The following AMD1 variants were observed in gnomAD, a reference collection of about 807,000 sequenced individuals.
AMD1 encodes the protein S-adenosylmethionine decarboxylase proenzyme.
Under a neutral mutation model 40.2 loss-of-function variants are expected in AMD1, and 11 were observed. The ratio of observed to expected loss-of-function variants is 0.27; its 90% CI spans 0.17 to 0.45. AMD1 has a LOEUF of 0.45. AMD1 is among the 20% of genes least tolerant of loss of function. The pLI is 1.00. For synonymous variants in AMD1, 121 were observed against 130.8 expected, an observed-to-expected ratio of 0.93 and a Z score of 0.51; for missense variants, 257 against 410.2, an observed-to-expected ratio of 0.63 and a Z score of 3.23.
intron 2 of AMD1, among the ~76,000 whole-genome samples, chr6:110,888,125 G>A (rs1463393979): frequency 6.6e-6 from 1 of 152,140 alleles, no homozygotes; most frequent in Admixed American, 6.5e-5. Flanking sequence ...GGTAAAGAAG[G>A]ACCTCTTAAT....
chr6:110,887,481 C>A, intron 1 of AMD1, 24 bp from the exon 2 acceptor site: 1 of 1,559,866 alleles, frequency 6.4e-7, no homozygotes, highest in Non-Finnish European at 8.7e-7. Context: ...GTGGATTAAT[C>A]GTAACTTTTT....
chr6:110,865,549 A>G, the AMD1 span, among the ~76,000 whole-genome samples: 3 of 151,786 alleles, frequency 2.0e-5, no homozygotes, highest in African/African-American at 7.3e-5. Context: ...GTGTGCCACC[A>G]TGCCTGGCTA....
the AMD1 span, among the ~76,000 whole-genome samples, chr6:110,838,091 T>G: frequency 1.4e-5 from 2 of 147,230 alleles, no homozygotes; most frequent in African/African-American, 5.1e-5. Flanking sequence ...AATCCTCTGA[T>G]ACATGAAAGT....
intron 4 of AMD1, 92 bp from the exon 5 acceptor site, chr6:110,892,069 T>C (rs1786050544): frequency 1.3e-5 from 18 of 1,391,518 alleles, no homozygotes; most frequent in Non-Finnish European, 1.7e-5. Flanking sequence ...AAGTGGCAAA[T>C]AGTATCATTC....
At chr6:110,859,281 T>G in the AMD1 span, 1 of 365,848 alleles carries the variant, frequency 2.7e-6, no homozygotes, top group Admixed American at 3.9e-5. Context: ...CGGTGTGGGA[T>G]CAGGGAGGTC....
the AMD1 span, among the ~76,000 whole-genome samples, chr6:110,831,037 C>A: frequency 6.6e-6 from 1 of 151,946 alleles, no homozygotes; most frequent in Non-Finnish European, 1.5e-5. Context: ...ATTTTTAATT[C>A]GTTTTGCTCT....
chr6:110,846,973 A>G, the AMD1 span, among the ~76,000 whole-genome samples: 1 of 152,088 alleles, frequency 6.6e-6, no homozygotes, highest in Non-Finnish European at 1.5e-5. Flanking sequence ...CACCAAGCAA[A>G]TTATGTAGCT....
In AMD1 at chr6:110,881,581, C is replaced by T. The variant is rs369187222; in HGVS notation, c.111-5924C>T. ...CCCAAATCCCAGCACTTTGGGAGGC[C>T]GAGGCGGGTGGATTGCTTGAGGTCA... On this transcript the variant is annotated intron_variant, in intron 1 of 8. Coordinates refer to ENST00000368885, the MANE Select transcript of AMD1 (RefSeq NM_001634.6). Among the ~76,000 whole-genome samples, 251 of 152,014 alleles carry T rather than the reference C, an allele frequency of 1.7e-3. 1 individual carries two copies. The highest frequency in any genetic ancestry group is 5.8e-3 in the African/African-American group (242 of 41,464).
At chr6:110,822,493 A>G in the AMD1 span, among the ~76,000 whole-genome samples, 8 of 152,186 alleles carry the variant, frequency 5.3e-5, no homozygotes, top group Admixed American at 3.9e-4. Context: ...TCTTGGTACC[A>G]ATCCTACTGA....
intron 1 of AMD1, chr6:110,875,503 C>T (rs1785049022): frequency 9.8e-6 from 3 of 304,824 alleles, no homozygotes; most frequent in South Asian, 9.8e-5. Context: ...CGCTGGGCGG[C>T]GGGCGGCGCG....
the AMD1 span, among the ~76,000 whole-genome samples, chr6:110,853,838 A>T: frequency 6.6e-6 from 1 of 152,184 alleles, no homozygotes; most frequent in Non-Finnish European, 1.5e-5. Context: ...TCCATTATCT[A>T]CATAATATTG....
intron 1 of AMD1, among the ~76,000 whole-genome samples, chr6:110,886,086 C>T (rs1347920155): frequency 4.6e-5 from 7 of 151,906 alleles, no homozygotes; most frequent in South Asian, 2.1e-4. Context: ...GAAACCCTGT[C>T]GCCACTAAAA....
chr6:110,859,212 T>C, the AMD1 span: 2 of 739,616 alleles, frequency 2.7e-6, no homozygotes, highest in Non-Finnish European at 4.3e-6. Flanking sequence ...TTCTGTGTTT[T>C]CATCTTTTTT....
chr6:110,875,031 G>A lies in AMD1; in HGVS notation c.-75G>A, dbSNP rs565275127. ...CACAGCTGGAACAATCCGCAGCGGCGGCGGCAGCGGCGGGAGAAGAGGTTT... is the reference window on the plus strand; with the variant it reads ...CACAGCTGGAACAATCCGCAGCGGCAGCGGCAGCGGCGGGAGAAGAGGTTT... On this transcript the variant is annotated 5_prime_UTR_variant, in exon 1 of 9. Transcript: ENST00000368885. 1.7e-6 allele frequency: 2 copies of A among 1,147,522 alleles called. No homozygotes were observed. Among genetic ancestry groups the A allele is most frequent in the South Asian group, 2.6e-5 (2 of 76,422 alleles). 71.1% of individuals were successfully genotyped at this position (1,147,522 alleles called of 1,614,324 possible).
Position 110,893,074 on chromosome 6 carries a change from A to G in AMD1, c.864+9A>G, listed in dbSNP as rs766867997. The G allele has an allele frequency of 3.3e-5, 53 of 1,582,126 alleles. No homozygotes were observed. The highest frequency in any genetic ancestry group is 4.4e-5 in the Non-Finnish European group (51 of 1,166,942). ...CCTTGTTTGTTAATCAGGTAATTTT[A>G]TATTTTATTATTAATCAGGTTATTT... On this transcript the variant is annotated intron_variant, in intron 8 of 8. Coordinates refer to ENST00000368885, the MANE Select transcript of AMD1 (RefSeq NM_001634.6).
chr6:110,884,559 G>A (rs1271227330), intron 1 of AMD1, among the ~76,000 whole-genome samples: 1 of 151,996 alleles, frequency 6.6e-6, no homozygotes, highest in Non-Finnish European at 1.5e-5. Flanking sequence ...TCAGCCTACC[G>A]AGTAGCTGGG....
chr6:110,853,924 C>T, the AMD1 span, among the ~76,000 whole-genome samples: 6 of 152,176 alleles, frequency 3.9e-5, no homozygotes, highest in African/African-American at 9.6e-5. Context: ...AATACTCCAT[C>T]GCACGACTAA....
chr6:110,838,114 C>G, the AMD1 span, among the ~76,000 whole-genome samples: 6 of 146,646 alleles, frequency 4.1e-5, no homozygotes, highest in South Asian at 4.3e-4. Context: ...TCTGGCCAGG[C>G]ACAGTGGCTA....
the AMD1 span, among the ~76,000 whole-genome samples, chr6:110,818,575 C>G: frequency 5.3e-5 from 8 of 151,984 alleles, no homozygotes; most frequent in African/African-American, 1.9e-4. Context: ...GAGTCTTGCT[C>G]TGTCACCCAG....
Sources: gnomAD v4.1 joint callset for allele counts (sites outside exome capture counted in the v4.1 genomes callset) on GRCh38, gnomAD v4.1.1 for gene constraint, MANE v1.5 for transcripts, NCBI Gene and HGNC (gene_info 2026-07-23, HGNC 2026-07-21) for gene names.